TCOF1: variants seen among roughly 807,000 people sequenced by gnomAD.
TCOF1 encodes treacle ribosome biogenesis factor 1.
Under a neutral mutation model 149.0 loss-of-function variants are expected in TCOF1, and 33 were observed. The observed-to-expected ratio is 0.22, with a 90% CI of 0.17 to 0.30. The LOEUF (loss-of-function observed/expected upper bound fraction) is 0.30, where lower values mean the gene tolerates loss of function less well. Ranked by LOEUF, TCOF1 falls within the 10% of genes least tolerant of loss-of-function variation. TCOF1 has a pLI of 1.00. For synonymous variants in TCOF1, 789 were observed against 738.8 expected (o/e 1.07, Z -1.10); for missense variants, 1,728 against 1,840.7 (o/e 0.94, Z 1.12).
At chr5:150,368,563 A>T in intron 4 of TCOF1, 153 bp from the exon 5 acceptor site, 2 of 822,608 alleles carry the variant, frequency 2.4e-6, no homozygotes, top group Non-Finnish European at 4.0e-6. Flanking sequence ...GCTGTTTTTA[A>T]CCTCACTTTA....
chr5:150,383,277 A>G, intron 17 of TCOF1: 1 of 928,020 alleles, frequency 1.1e-6, no homozygotes. Flanking sequence ...CGCCATATTT[A>G]AACAGCACCT....
Position 150,368,796 on chromosome 5 carries a change from TGGGAAGTCTCCC to T in TCOF1, c.460_471del (p.Gly154_Pro157del). 1 of 1,614,074 alleles carries T rather than the reference TGGGAAGTCTCCC, an allele frequency of 6.2e-7. No individual in the cohort carries two copies. Among genetic ancestry groups the T allele is most frequent in the Non-Finnish European group, 8.5e-7 (1 of 1,180,034 alleles). ...GGAAGACGGTGGCCAACCTTCTTTC[TGGGAAGTCTCCC>T]AGGAAGTCAGCAGAGCCCTCAGCAA... On this transcript the variant is annotated inframe_deletion, in exon 5 of 27. Coordinates refer to ENST00000643257, the MANE Select transcript of TCOF1 (RefSeq NM_001371623.1).
intron 14 of TCOF1, chr5:150,378,561 G>T: frequency 3.2e-6 from 1 of 310,986 alleles, no homozygotes; most frequent in Non-Finnish European, 6.1e-6. Context: ...TAGCTGAAAG[G>T]GAGCCTGGAA....
chr5:150,374,583 C>A lies in TCOF1; in HGVS notation c.1084-34C>A, dbSNP rs373402474. 28 of 1,612,508 alleles carry A rather than the reference C, an allele frequency of 1.7e-5. 1 individual carries two copies. The highest frequency in any genetic ancestry group is 1.2e-4 in the African/African-American group (9 of 75,000). ...TCCTGTGTCTCCTCACACGTCCATC[C>A]TCTGGGCTGTCTCCCCTTGTCTTGT... is the stretch of plus-strand genomic sequence containing the variant. On this transcript the variant is annotated intron_variant, in intron 8 of 26. Transcript: ENST00000643257.
intron 21 of TCOF1, 188 bp from the exon 22 acceptor site, chr5:150,392,517 A>T: frequency 1.6e-6 from 1 of 638,254 alleles, no homozygotes; most frequent in East Asian, 2.7e-5. Flanking sequence ...CAAATGTCGC[A>T]CCTAGCATGC....
chr5:150,390,685 G>T (rs1767241620), intron 19 of TCOF1, among the ~76,000 whole-genome samples: 1 of 152,000 alleles, frequency 6.6e-6, no homozygotes, highest in African/African-American at 2.4e-5. Flanking sequence ...GGGGCGGTGG[G>T]GCTGGTGTGC....
chr5:150,365,245 TTTTC>T (rs1353818121), intron 3 of TCOF1, among the ~76,000 whole-genome samples: 36 of 148,354 alleles, frequency 2.4e-4, no homozygotes, highest in African/African-American at 6.8e-4. Flanking sequence ...TGGGTTTTCT[TTTTC>T]TTTCTTTTTT....
At chr5:150,369,973 A>C (rs527924464) in intron 6 of TCOF1, among the ~76,000 whole-genome samples, 5 of 152,302 alleles carry the variant, frequency 3.3e-5, no homozygotes, top group Admixed American at 3.3e-4. Flanking sequence ...CAGAGGCAAC[A>C]GTGTGGCTGT....
chr5:150,369,558 T>C lies in TCOF1; in HGVS notation c.595T>C (p.Ser199Pro), dbSNP rs1188774198. 1 of 1,613,938 alleles carries C rather than the reference T, an allele frequency of 6.2e-7. No homozygotes were observed. The highest frequency in any genetic ancestry group is 8.5e-7 in the Non-Finnish European group (1 of 1,180,006). The change falls in exon 6 of 27, where the codon TCC becomes CCC. Residue 199 changes from serine (S) to proline (P), a missense_variant. Transcript: ENST00000643257. ...GGTGTCAGCGGGCCAGGCCGACAGC[T>C]CCAGCGAGGACACCTCCAGCTCCAG... Reference protein sequence around the residue: ...GMVSAGQADSSSEDTSSSSDE... With the variant: ...GMVSAGQADSPSEDTSSSSDE...
At chr5:150,377,752 A>G (rs1286807621) in intron 14 of TCOF1, among the ~76,000 whole-genome samples, 1 of 152,074 alleles carries the variant, frequency 6.6e-6, no homozygotes, top group East Asian at 1.9e-4. Flanking sequence ...ACAGAGTTTC[A>G]TTATGCAGCT....
At chr5:150,361,830 C>A (rs1562278641) in intron 2 of TCOF1, among the ~76,000 whole-genome samples, 1 of 152,230 alleles carries the variant, frequency 6.6e-6, no homozygotes, top group Non-Finnish European at 1.5e-5. Flanking sequence ...AATGCTAAGT[C>A]CTGTGGCTGG....
intron 19 of TCOF1, among the ~76,000 whole-genome samples, chr5:150,391,208 A>G (rs1225226013): frequency 3.3e-5 from 5 of 152,196 alleles, no homozygotes; most frequent in Admixed American, 2.6e-4. Context: ...GCAAGGGGTC[A>G]TGCCCAATTT....
At chr5:150,367,043 T>C (rs1039160948) in intron 3 of TCOF1, among the ~76,000 whole-genome samples, 12 of 151,520 alleles carry the variant, frequency 7.9e-5, no homozygotes, top group Non-Finnish European at 1.8e-4. Flanking sequence ...CGGTGGCTCA[T>C]GCCTGTAATC....
chr5:150,384,101 C>G, intron 17 of TCOF1: 1 of 1,214,506 alleles, frequency 8.2e-7, no homozygotes, highest in Non-Finnish European at 1.0e-6. Context: ...AGAGCGGTCT[C>G]ATGAACCACC....
intron 14 of TCOF1, among the ~76,000 whole-genome samples, chr5:150,378,346 T>G (rs1182173613): frequency 6.6e-6 from 1 of 152,190 alleles, no homozygotes; most frequent in Non-Finnish European, 1.5e-5. Context: ...CTGACAGGCC[T>G]TTTGGGGGTT....
At chr5:150,366,561 A>G (rs116739397) in intron 3 of TCOF1, among the ~76,000 whole-genome samples, 1,976 of 152,256 alleles carry the variant, frequency 0.013, 50 homozygotes, top group African/African-American at 0.045. Flanking sequence ...AAAATTTTCC[A>G]TAATTACAGA....
intron 4 of TCOF1, chr5:150,368,197 C>T (rs1002668096): frequency 3.9e-5 from 18 of 456,130 alleles, no homozygotes; most frequent in African/African-American, 3.0e-4. Context: ...TGCGTTCACC[C>T]GTTCACTCAA....
chr5:150,384,325 G>A, intron 17 of TCOF1: 1 of 986,382 alleles, frequency 1.0e-6, no homozygotes, highest in Non-Finnish European at 1.2e-6. Context: ...GGCTCCCTTT[G>A]TTGTTTGCAT....
At position 150,376,606 on chromosome 5, in the gene TCOF1, G is replaced by C; in HGVS notation, c.2326G>C (p.Ala776Pro). The change falls in exon 14 of 27, where the codon GCA becomes CCA. Residue 776 changes from alanine to proline, a missense_variant. This residue lies in a region of TCOF1 where 1,696 missense variants were observed against 1,765.4 expected (regional missense o/e 0.96). Transcript: ENST00000643257. ...GGAATCAGACAGTGAGGAAGCAGCTGCATCTCCAGCACAGGTGAGGCCTAG... is the reference window on the plus strand; with the variant it reads ...GGAATCAGACAGTGAGGAAGCAGCTCCATCTCCAGCACAGGTGAGGCCTAG... ...EEESDSEEAA[A>P]SPAQVKTSVK... 1 of 1,567,334 alleles carries C rather than the reference G, an allele frequency of 6.4e-7. No individual in the cohort carries two copies. Among genetic ancestry groups the C allele is most frequent in the Non-Finnish European group, 8.6e-7 (1 of 1,156,388 alleles).
Sources: allele counts gnomAD v4.1 joint callset (sites outside exome capture counted in the v4.1 genomes callset), GRCh38; gene constraint gnomAD v4.1.1; regional missense constraint gnomAD v4.1.1; transcripts MANE v1.5; gene names NCBI Gene and HGNC (gene_info 2026-07-23, HGNC 2026-07-21).